STRN: variants seen among roughly 807,000 people sequenced by gnomAD.
The protein encoded by STRN is striatin.
Under a neutral mutation model 96.3 loss-of-function variants are expected in STRN, and 53 were observed. The observed-to-expected ratio is 0.55, with a 90% confidence interval of 0.44 to 0.69. The LOEUF is 0.69. Among genes scored for constraint, STRN ranks in the 30% least tolerant of loss-of-function variants. STRN has a pLI of 0.00. For missense variants in STRN, 987 were observed against 963.9 expected (o/e 1.02, Z -0.32); for synonymous variants, 428 against 355.9 (o/e 1.20, Z -2.28).
At chr2:36,854,173 G>C (rs1444319197) in intron 15 of STRN, among the ~76,000 whole-genome samples, 1 of 152,038 alleles carries the variant, frequency 6.6e-6, no homozygotes, top group Non-Finnish European at 1.5e-5. Context: ...TTACAAAAAT[G>C]TTCTCATCCT....
At chr2:36,926,605 C>T (rs935449633) in intron 1 of STRN, among the ~76,000 whole-genome samples, 11 of 152,212 alleles carry the variant, frequency 7.2e-5, no homozygotes, top group Non-Finnish European at 1.3e-4. Flanking sequence ...CTATTCAGTA[C>T]CACAAGAAAC....
chr2:36,942,642 G>T (rs752009429), intron 1 of STRN, among the ~76,000 whole-genome samples: 2 of 152,124 alleles, frequency 1.3e-5, no homozygotes, highest in South Asian at 2.1e-4. Context: ...CACGAACAAG[G>T]TATGAGGGTA....
chr2:36,929,820 G>A (rs1572682798), intron 1 of STRN, among the ~76,000 whole-genome samples: 1 of 152,268 alleles, frequency 6.6e-6, no homozygotes, highest in East Asian at 1.9e-4. Flanking sequence ...TAGCTTTTCA[G>A]TTACTTGCTA....
rs1368948338 is a variant in STRN, at chr2:36,847,505, T to C, written c.*1951A>G. 1 of 152,168 alleles carries C rather than the reference T, an allele frequency of 6.6e-6. No individual in the cohort carries two copies. Among genetic ancestry groups the C allele is most frequent in the Non-Finnish European group, 1.5e-5 (1 of 68,020 alleles). The allele number at this position is 152,168 out of a possible 1,614,324, so 9.4% of individuals were successfully genotyped here. A position where few individuals can be genotyped will look rare whatever the true frequency, so the allele number is the denominator to read the frequency against. On this transcript the variant is annotated 3_prime_UTR_variant, in exon 18 of 18. Transcript: ENST00000263918. The stretch of plus-strand genomic sequence containing the variant: ...ACTGAACACAATATGGAATTCTGTA[T>C]CTGCATGGAAATATTAAGTATTCAC...
In STRN at chr2:36,943,533, A is replaced by T. The variant is rs142276379; in HGVS notation, c.235-18325T>A. Among the ~76,000 whole-genome samples the T allele has an allele frequency of 9.2e-4, 140 of 152,260 alleles. 2 individuals carry two copies. In the East Asian group the frequency reaches 0.023, roughly 25 times the overall value. Reference sequence around the variant, plus strand: ...AAAACAGTTAAAATAGGCCAGGCACAGTGGCTCACACTTGTAATCCCAGCA... The same window carrying T: ...AAAACAGTTAAAATAGGCCAGGCACTGTGGCTCACACTTGTAATCCCAGCA... On this transcript the variant is annotated intron_variant, in intron 1 of 17. Transcript: ENST00000263918.
At chr2:36,901,575 A>G (rs1669685446) in intron 5 of STRN, among the ~76,000 whole-genome samples, 1 of 151,226 alleles carries the variant, frequency 6.6e-6, no homozygotes, top group Admixed American at 6.6e-5. Flanking sequence ...AAAAACATTT[A>G]TACTATCTAA....
At chr2:36,902,532 T>C in intron 5 of STRN, 52 bp downstream of exon 5, 3 of 1,455,162 alleles carry the variant, frequency 2.1e-6, no homozygotes, top group South Asian at 1.6e-5. Context: ...AAACCAAAAA[T>C]ATTTAATAAG....
chr2:36,908,428 G>A (rs562886825), intron 3 of STRN, among the ~76,000 whole-genome samples: 2 of 152,084 alleles, frequency 1.3e-5, no homozygotes, highest in Non-Finnish European at 2.9e-5. Context: ...AGCCAGAATC[G>A]AAAGGCTACA....
intron 2 of STRN, among the ~76,000 whole-genome samples, chr2:36,924,236 G>C (rs1670347783): frequency 6.6e-6 from 1 of 151,502 alleles, no homozygotes; most frequent in South Asian, 2.1e-4. Flanking sequence ...GGCACCTGTA[G>C]TCCCAGCTAC....
intron 10 of STRN, among the ~76,000 whole-genome samples, chr2:36,874,827 G>C (rs542747625): frequency 1.3e-5 from 2 of 150,706 alleles, no homozygotes; most frequent in South Asian, 4.2e-4. Flanking sequence ...GACACAGAGA[G>C]AACTGGATAC....
chr2:36,939,625 C>T (rs1301486770), intron 1 of STRN, among the ~76,000 whole-genome samples: 2 of 151,924 alleles, frequency 1.3e-5, no homozygotes, highest in Non-Finnish European at 2.9e-5. Flanking sequence ...TCAAGCAATC[C>T]TCCCACCTCA....
At chr2:36,935,942 A>G (rs1670690327) in intron 1 of STRN, among the ~76,000 whole-genome samples, 1 of 152,174 alleles carries the variant, frequency 6.6e-6, no homozygotes, top group Non-Finnish European at 1.5e-5. Context: ...TGTGAATTAG[A>G]GCTCCTATTA....
At chr2:36,911,691 G>A (rs935030897) in intron 3 of STRN, among the ~76,000 whole-genome samples, 1 of 152,056 alleles carries the variant, frequency 6.6e-6, no homozygotes, top group Non-Finnish European at 1.5e-5. Context: ...CCTTCCCTCT[G>A]TAGTTTTAGT....
At chr2:36,914,934 C>T (rs1558650973) in intron 3 of STRN, among the ~76,000 whole-genome samples, 4 of 151,914 alleles carry the variant, frequency 2.6e-5, no homozygotes, top group Admixed American at 1.3e-4. Context: ...TGGTGGCTCA[C>T]GCCTGTAATC....
rs546597211 is a variant in STRN, at chr2:36,839,786, A to G, written c.*9670T>C. 6.6e-6 allele frequency: 1 copy of G among 152,316 alleles called. No individual in the cohort carries two copies. Among genetic ancestry groups the G allele is most frequent in the South Asian group, 2.1e-4 (1 of 4,824 alleles). The allele number at this position is 152,316 out of a possible 1,614,324, so 9.4% of individuals were successfully genotyped here. A position where few individuals can be genotyped will look rare whatever the true frequency, so the allele number is the denominator to read the frequency against. On this transcript the variant is annotated 3_prime_UTR_variant, in exon 18 of 18. Coordinates refer to ENST00000263918, the MANE Select transcript of STRN (RefSeq NM_003162.4). ...TGTTTAATGTTGAGATTATTCGTTG[A>G]ATATTTCATATGTAATTTGCTGATT...
intron 1 of STRN, among the ~76,000 whole-genome samples, chr2:36,963,523 A>AG (rs1160433498): frequency 1.3e-5 from 2 of 152,176 alleles, no homozygotes; most frequent in African/African-American, 2.4e-5. Flanking sequence ...TACACTAATA[A>AG]GGGGGGACAA....
chr2:36,852,633 T>C (rs1011943062), intron 15 of STRN, among the ~76,000 whole-genome samples: 3 of 152,274 alleles, frequency 2.0e-5, no homozygotes, highest in African/African-American at 7.2e-5. Context: ...GTTCTCGTAC[T>C]ATTTTTGTAC....
chr2:36,907,081 A>T (rs1248019021), intron 3 of STRN, among the ~76,000 whole-genome samples: 1 of 152,210 alleles, frequency 6.6e-6, no homozygotes, highest in African/African-American at 2.4e-5. Flanking sequence ...CCCTATGGTA[A>T]GTCTGGACTG....
At chr2:36,870,393 T>C (rs190245602) in intron 10 of STRN, among the ~76,000 whole-genome samples, 225 of 152,202 alleles carry the variant, frequency 1.5e-3, no homozygotes, top group South Asian at 2.9e-3. Flanking sequence ...CCACAGGGTA[T>C]GAATTCTTCA....
Sources: gnomAD v4.1 joint callset for allele counts (sites outside exome capture counted in the v4.1 genomes callset) on GRCh38, gnomAD v4.1.1 for gene constraint, MANE v1.5 for transcripts, NCBI Gene and HGNC (gene_info 2026-07-23, HGNC 2026-07-21) for gene names.